MBNL1: variants seen among roughly 807,000 people sequenced by gnomAD.
MBNL1 encodes muscleblind-like protein 1.
Under a neutral mutation model 42.2 loss-of-function variants are expected in MBNL1, and 8 were observed. That is an observed-to-expected ratio of 0.19 (90% CI 0.11 to 0.34). The LOEUF is 0.34. Among genes scored for constraint, MBNL1 ranks in the 10% least tolerant of loss-of-function variants. The pLI is 1.00. For synonymous variants in MBNL1, 169 were observed against 173.9 expected, an observed-to-expected ratio of 0.97 and a Z score of 0.22; for missense variants, 309 against 495.3, an observed-to-expected ratio of 0.62 and a Z score of 3.57.
At chr3:152,294,768 A>T (rs191236548) in intron 1 of MBNL1, among the ~76,000 whole-genome samples, 1 of 152,332 alleles carries the variant, frequency 6.6e-6, no homozygotes, top group East Asian at 1.9e-4. Context: ...TAATCTGGAC[A>T]TTACCCACAT....
At chr3:152,443,110 T>A (rs1301775239) in intron 4 of MBNL1, among the ~76,000 whole-genome samples, 1 of 152,114 alleles carries the variant, frequency 6.6e-6, no homozygotes, top group Non-Finnish European at 1.5e-5. Context: ...ATTTTTAGAA[T>A]TCTTTCTAAA....
chr3:152,273,456 C>A (rs116194038), intron 1 of MBNL1, among the ~76,000 whole-genome samples: 1 of 151,946 alleles, frequency 6.6e-6, no homozygotes, highest in Admixed American at 6.6e-5. Context: ...GATAATCGTT[C>A]ATGTTTTTAG....
At chr3:152,424,097 A>G (rs957808402) in intron 3 of MBNL1, among the ~76,000 whole-genome samples, 1 of 152,218 alleles carries the variant, frequency 6.6e-6, no homozygotes, top group Non-Finnish European at 1.5e-5. Flanking sequence ...GGCAAGAGAA[A>G]TAAATGATAT....
At chr3:152,383,909 G>A (rs1021446242) in intron 2 of MBNL1, among the ~76,000 whole-genome samples, 2 of 151,914 alleles carry the variant, frequency 1.3e-5, no homozygotes, top group African/African-American at 4.8e-5. Flanking sequence ...GATCTATATT[G>A]TACTCATGGC....
At chr3:152,457,903 T>G in intron 8 of MBNL1, 1 of 484,582 alleles carries the variant, frequency 2.1e-6, no homozygotes, top group Non-Finnish European at 3.7e-6. Flanking sequence ...ATGCATAATC[T>G]TGGATCTTCA....
chr3:152,446,523 A>G (rs1423544796), intron 5 of MBNL1, among the ~76,000 whole-genome samples: 1 of 151,942 alleles, frequency 6.6e-6, no homozygotes, highest in Non-Finnish European at 1.5e-5. Flanking sequence ...TTTATTGTGC[A>G]TGCTTAGTCT....
intron 2 of MBNL1, among the ~76,000 whole-genome samples, chr3:152,337,415 T>A (rs769059767): frequency 7.3e-5 from 11 of 151,700 alleles, no homozygotes; most frequent in Admixed American, 1.3e-4. Flanking sequence ...AGGTCAGGAG[T>A]TCGAGAACAG....
At chr3:152,449,423 A>C (rs758989643) in intron 6 of MBNL1, 4 of 152,196 alleles carry the variant, frequency 2.6e-5, no homozygotes, top group Admixed American at 1.3e-4. Context: ...TAAAAAACAA[A>C]TCTGTGCTAT....
chr3:152,313,947 T>G (rs551908348), intron 2 of MBNL1, among the ~76,000 whole-genome samples: 1 of 152,358 alleles, frequency 6.6e-6, no homozygotes, highest in Admixed American at 6.5e-5. Flanking sequence ...GAAAAATGGT[T>G]GTAGCCATCT....
chr3:152,425,564 C>T (rs555320404), intron 3 of MBNL1, among the ~76,000 whole-genome samples: 7 of 151,276 alleles, frequency 4.6e-5, no homozygotes, highest in Non-Finnish European at 8.8e-5. Context: ...CCCGAGATCA[C>T]GCCACTGCAC....
chr3:152,446,845 CT>C, intron 5 of MBNL1: 1 of 1,124,996 alleles, frequency 8.9e-7, no homozygotes. Context: ...AATATATATC[CT>C]TTTTTCTGTT....
intron 2 of MBNL1, among the ~76,000 whole-genome samples, chr3:152,363,388 C>A (rs1049627849): frequency 2.0e-5 from 3 of 151,874 alleles, no homozygotes; most frequent in African/African-American, 7.3e-5. Flanking sequence ...AAGAGTAAGG[C>A]CTTAGCAGGG....
At chr3:152,460,503 T>C (rs61071590) in intron 9 of MBNL1, among the ~76,000 whole-genome samples, 6,830 of 148,530 alleles carry the variant, frequency 0.046, 518 homozygotes, top group African/African-American at 0.16. Context: ...TTGGGAGATA[T>C]ACCTAATGCT....
chr3:152,363,752 G>A (rs571075305), intron 2 of MBNL1, among the ~76,000 whole-genome samples: 4 of 152,130 alleles, frequency 2.6e-5, no homozygotes, highest in African/African-American at 9.6e-5. Context: ...GCCTAAGTAC[G>A]GGTCACACAG....
chr3:152,308,442 G>C (rs2151936586), intron 2 of MBNL1, among the ~76,000 whole-genome samples: 1 of 152,194 alleles, frequency 6.6e-6, no homozygotes, highest in Non-Finnish European at 1.5e-5. Context: ...TTTAACTTTG[G>C]GCTGCTTCTG....
intron 2 of MBNL1, among the ~76,000 whole-genome samples, chr3:152,382,626 A>G (rs1011099951): frequency 1.3e-5 from 2 of 152,142 alleles, no homozygotes; most frequent in Admixed American, 1.3e-4. Context: ...TTAATGCAAC[A>G]TACATTTGTC....
intron 1 of MBNL1, among the ~76,000 whole-genome samples, chr3:152,275,639 C>T (rs1266244658): frequency 2.3e-5 from 3 of 128,612 alleles, no homozygotes; most frequent in South Asian, 5.3e-4. Context: ...ACTCGGGAGG[C>T]GGAGGTTGCA....
intron 2 of MBNL1, among the ~76,000 whole-genome samples, chr3:152,245,140 G>C (rs1044717343): frequency 4.6e-5 from 7 of 151,876 alleles, no homozygotes; most frequent in Non-Finnish European, 1.0e-4. Context: ...TTTGATAATT[G>C]GAAATCAAAC....
intron 2 of MBNL1, among the ~76,000 whole-genome samples, chr3:152,331,967 CAGGTGTG>C (rs1395411705): frequency 6.6e-6 from 1 of 152,188 alleles, no homozygotes; most frequent in Non-Finnish European, 1.5e-5. Context: ...GCTGGGATTA[CAGGTGTG>C]AGCCACCGCT....
Sources: allele counts gnomAD v4.1 joint callset (sites outside exome capture counted in the v4.1 genomes callset), GRCh38; gene constraint gnomAD v4.1.1; transcripts MANE v1.5; gene names NCBI Gene and HGNC (gene_info 2026-07-23, HGNC 2026-07-21).